Variants in PLCH1 observed in about 807,000 individuals in gnomAD.
The protein encoded by PLCH1 is phospholipase C eta 1.
A neutral mutation model predicts 126.7 loss-of-function variants in PLCH1; 60 were observed. The observed-to-expected ratio is 0.47, with a 90% CI of 0.38 to 0.59. PLCH1 has a LOEUF of 0.59. Among genes scored for constraint, PLCH1 ranks in the 20% least tolerant of loss-of-function variants. The probability of loss-of-function intolerance (pLI) is 0.00; values close to 1 mark genes in which losing one functional copy is unlikely to be tolerated. For synonymous variants in PLCH1, 719 were observed against 734.9 expected (o/e 0.98, Z 0.35); for missense variants, 1,723 against 2,040.0 (o/e 0.84, Z 2.99).
chr3:155,568,648 A>C (rs1342216047), intron 6 of PLCH1, among the ~76,000 whole-genome samples: 1 of 152,204 alleles, frequency 6.6e-6, no homozygotes, highest in African/African-American at 2.4e-5. Context: ...AGCTATCTGC[A>C]AAAATTAACG....
At chr3:155,611,014 A>G (rs12638084) in intron 2 of PLCH1, among the ~76,000 whole-genome samples, 73,856 of 152,088 alleles carry the variant, frequency 0.49, 20,324 homozygotes, top group African/African-American at 0.74. Flanking sequence ...GTAGAGGGGT[A>G]GAAAAAGGTA....
rs1728135900 is a variant in PLCH1, at chr3:155,565,010, G to C, written c.974C>G (p.Ser325Cys). The part of the protein sequence containing the change: ...QPLCNYYIAS[S>C]HNTYLTGDQL... ...GTCTCCAGTCAGGTATGTATTGTGA[G>C]AGGAAGCAATGTAGTAGTTGCAGAG... is the stretch of plus-strand genomic sequence containing the variant. The change falls in exon 8 of 23, where the codon TCT becomes TGT. Residue 325 changes from serine to cysteine, a missense_variant. Physicochemically the swap from Ser to Cys is moderately radical, Grantham distance 112 (BLOSUM62 -1). Transcript: ENST00000460012. The C allele has an allele frequency of 6.2e-7, 1 of 1,613,568 alleles. No individual in the cohort carries two copies. Among genetic ancestry groups the C allele is most frequent in the Non-Finnish European group, 8.5e-7 (1 of 1,179,474 alleles).
downstream of PLCH1, among the ~76,000 whole-genome samples, chr3:155,477,370 G>A (rs923787930): frequency 6.6e-6 from 1 of 152,000 alleles, no homozygotes; most frequent in African/African-American, 2.4e-5. Flanking sequence ...ACAAGCACGG[G>A]CAACCAAAGC....
chr3:155,678,642 C>T (rs1185445640), intron 2 of PLCH1, among the ~76,000 whole-genome samples: 10 of 152,164 alleles, frequency 6.6e-5, no homozygotes, highest in South Asian at 4.1e-4. Context: ...AGGTCATGTA[C>T]GATGTCAAAA....
Position 155,583,564 on chromosome 3 carries a change from G to C in PLCH1, c.679C>G (p.Arg227Gly). The C allele has an allele frequency of 6.2e-7, 1 of 1,602,872 alleles. No homozygotes were observed. Among genetic ancestry groups the C allele is most frequent in the Non-Finnish European group, 8.5e-7 (1 of 1,176,234 alleles). Reference sequence around the variant, plus strand: ...CTCAAAAGTAACAAATAAAGGTCTCGTCTCAAAGACATCATTTTGTAAAAA... The same window carrying C: ...CTCAAAAGTAACAAATAAAGGTCTCCTCTCAAAGACATCATTTTGTAAAAA... ...CVFYKMMSLR[R>G]DLYLLLLSYS... Residue 227 changes from arginine to glycine, a missense_variant, in exon 6 of 23, where the codon CGA becomes GGA. Physicochemically the swap from Arg to Gly is moderately radical, Grantham distance 125. Coordinates refer to ENST00000460012, the MANE Select transcript of PLCH1 (RefSeq NM_014996.4).
intron 2 of PLCH1, among the ~76,000 whole-genome samples, chr3:155,668,336 C>A (rs1275362358): frequency 6.6e-6 from 1 of 152,070 alleles, no homozygotes; most frequent in African/African-American, 2.4e-5. Context: ...AGAAAGATCC[C>A]CTAGCCCAAC....
intron 2 of PLCH1, among the ~76,000 whole-genome samples, chr3:155,690,745 C>T (rs1049980152): frequency 6.6e-6 from 1 of 152,136 alleles, no homozygotes; most frequent in East Asian, 1.9e-4. Flanking sequence ...CATCCTTTTT[C>T]CATGTGCTCC....
rs541596977 is a variant in PLCH1, at chr3:155,526,408, TTCTC to T, written c.1363-2408_1363-2405del. On this transcript the variant is annotated intron_variant, in intron 10 of 22. Transcript: ENST00000460012. ...CTCTCTCTTCTTTCTCTCTCTCTCT[TTCTC>T]TCTCTCTCTTCTGTCTCTCTCTCTC... 6.1e-3 allele frequency among the ~76,000 whole-genome samples: 713 copies of T among 116,174 alleles called. 8 individuals carry two copies. Among genetic ancestry groups the T allele is most frequent in the African/African-American group, 0.026 (683 of 26,522 alleles). The allele number at this position is 116,174 out of a possible 152,430, so 76.2% of individuals were successfully genotyped here. A position where few individuals can be genotyped will look rare whatever the true frequency, so the allele number is the denominator to read the frequency against.
At chr3:155,465,023 G>A (rs755015422) in intron 21 of PLCH1, among the ~76,000 whole-genome samples, 1 of 151,676 alleles carries the variant, frequency 6.6e-6, no homozygotes, top group African/African-American at 2.4e-5. Flanking sequence ...GCAGGAGAAT[G>A]GTGTGAACCT....
chr3:155,514,160 AT>A (rs2108236370), intron 12 of PLCH1, among the ~76,000 whole-genome samples: 1 of 152,328 alleles, frequency 6.6e-6, no homozygotes, highest in East Asian at 1.9e-4. Context: ...GCTTACCAAC[AT>A]CTTCTTCATC....
chr3:155,737,245 A>AAAAAAAAAAAAG (rs1749266182), intron 1 of PLCH1, among the ~76,000 whole-genome samples: 1 of 150,668 alleles, frequency 6.6e-6, no homozygotes, highest in Non-Finnish European at 1.5e-5. Context: ...AAAAAAAAAA[A>AAAAAAAAAAAAG]AAAAGAGTAT....
chr3:155,656,261 C>T (rs1741355169), intron 2 of PLCH1, among the ~76,000 whole-genome samples: 1 of 151,710 alleles, frequency 6.6e-6, no homozygotes, highest in African/African-American at 2.4e-5. Context: ...GATAGATCAT[C>T]CTTATGCTGC....
intron 21 of PLCH1, among the ~76,000 whole-genome samples, chr3:155,451,239 A>G (rs1043492127): frequency 1.3e-5 from 2 of 152,218 alleles, no homozygotes; most frequent in African/African-American, 4.8e-5. Flanking sequence ...AATTACCTCA[A>G]TCAAGAATCA....
At chr3:155,694,773 T>C (rs2109053370) in intron 2 of PLCH1, among the ~76,000 whole-genome samples, 1 of 152,294 alleles carries the variant, frequency 6.6e-6, no homozygotes, top group African/African-American at 2.4e-5. Flanking sequence ...GAATGGACTC[T>C]CATAGTGCCT....
At chr3:155,601,725 T>C (rs1034952523) in intron 2 of PLCH1, among the ~76,000 whole-genome samples, 1 of 152,128 alleles carries the variant, frequency 6.6e-6, no homozygotes, top group Non-Finnish European at 1.5e-5. Flanking sequence ...GAGGTGTCAT[T>C]GATATGCAGT....
intron 2 of PLCH1, among the ~76,000 whole-genome samples, chr3:155,640,841 C>T (rs1739313356): frequency 6.6e-6 from 1 of 152,128 alleles, no homozygotes; most frequent in Non-Finnish European, 1.5e-5. Flanking sequence ...GGGAGAATAT[C>T]AGTCCACTAC....
intron 2 of PLCH1, among the ~76,000 whole-genome samples, chr3:155,666,595 G>T (rs186329616): frequency 4.6e-5 from 7 of 152,276 alleles, no homozygotes; most frequent in East Asian, 1.9e-4. Flanking sequence ...TCCTCAAGGG[G>T]TATCAAGGAT....
At chr3:155,541,036 T>C (rs1576954354) in intron 10 of PLCH1, among the ~76,000 whole-genome samples, 2 of 152,250 alleles carry the variant, frequency 1.3e-5, no homozygotes, top group South Asian at 4.1e-4. Flanking sequence ...TATACATATA[T>C]ACACCGTGGA....
intron 1 of PLCH1, among the ~76,000 whole-genome samples, chr3:155,712,663 C>T (rs998654848): frequency 1.3e-5 from 2 of 151,990 alleles, no homozygotes; most frequent in East Asian, 1.9e-4. Context: ...TTTCTTGAAC[C>T]GAAGAGACGG....
Sources: gnomAD v4.1 joint callset for allele counts (sites outside exome capture counted in the v4.1 genomes callset) on GRCh38, gnomAD v4.1.1 for gene constraint, MANE v1.5 for transcripts, NCBI Gene and HGNC (gene_info 2026-07-23, HGNC 2026-07-21) for gene names.